Variants in ZNF229 observed in about 807,000 individuals in gnomAD.
ZNF229 encodes zinc finger protein 229.
A neutral mutation model predicts 11.8 loss-of-function variants in ZNF229; 10 were observed. That is an observed-to-expected ratio of 0.85 (90% CI 0.52 to 1.44). ZNF229 has a LOEUF of 1.44. ZNF229 is among the 40% of genes most tolerant of loss of function. The pLI is 0.00. For missense variants in ZNF229, 1,045 were observed against 1,015.1 expected, an observed-to-expected ratio of 1.03 and a Z score of -0.40; for synonymous variants, 368 against 374.8, an observed-to-expected ratio of 0.98 and a Z score of 0.21.
At position 44,428,724 on chromosome 19, in the gene ZNF229, C is replaced by T. The variant is rs200873280; in HGVS notation, c.2057G>A (p.Cys686Tyr). Reference sequence around the variant, plus strand: ...ACTGAATCCCTTGCCACACTGATCACACGTATAGGGCTTTTTTCCCGTGTG... The same window carrying T: ...ACTGAATCCCTTGCCACACTGATCATACGTATAGGGCTTTTTTCCCGTGTG... ...RVHTGKKPYT[C>Y]DQCGKGFSYG... Residue 686 changes from cysteine to tyrosine, a missense_variant, in exon 6 of 6, where the codon TGT becomes TAT. By Grantham distance (194) the Cys-to-Tyr change is radical. Coordinates refer to ENST00000614049, the MANE Select transcript of ZNF229 (RefSeq NM_014518.4). The T allele has an allele frequency of 2.4e-5, 38 of 1,613,774 alleles. No individual in the cohort carries two copies. The Admixed American group carries it at 5.5e-4, about 23-fold the overall frequency.
chr19:44,436,406 TA>T (rs1250148536), intron 4 of ZNF229, among the ~76,000 whole-genome samples: 1 of 151,364 alleles, frequency 6.6e-6, no homozygotes, highest in African/African-American at 2.4e-5. Flanking sequence ...AAAACCACCA[TA>T]AAAAAAGGGC....
rs765094262 is a variant in ZNF229 at position 44,442,949 on chromosome 19, A to C, written c.-102T>G. The C allele has an allele frequency of 2.9e-4, 407 of 1,391,400 alleles. No homozygotes were observed. The highest frequency in any genetic ancestry group is 4.1e-4 in the Non-Finnish European group (399 of 982,870). 86.2% of individuals were successfully genotyped at this position (1,391,400 alleles called of 1,614,324 possible). A position where few individuals can be genotyped will look rare whatever the true frequency, so the allele number is the denominator to read the frequency against. On this transcript the variant is annotated 5_prime_UTR_variant, in exon 3 of 6. Coordinates refer to ENST00000614049, the MANE Select transcript of ZNF229 (RefSeq NM_014518.4). ...AGATCCAGGCCTTTTTCATTCCGGAAACTCTCCAAGCTCTGACAAGTTCCT... is the reference window on the plus strand; with the variant it reads ...AGATCCAGGCCTTTTTCATTCCGGACACTCTCCAAGCTCTGACAAGTTCCT...
In ZNF229 at chr19:44,447,560, T is replaced by A. The variant is rs575143592; in HGVS notation, c.-225A>T. ...TGTGGGGTTATTTCTCCTTCTTTTA[T>A]ACAATTATCTCCGAGAAACGAACAA... On this transcript the variant is annotated 5_prime_UTR_variant, in exon 2 of 6. Transcript: ENST00000614049. 3.5e-4 allele frequency: 54 copies of A among 152,308 alleles called. No individual in the cohort carries two copies. The highest frequency in any genetic ancestry group is 8.4e-4 in the African/African-American group (35 of 41,566). The allele number at this position is 152,308 out of a possible 1,614,324, so 9.4% of individuals were successfully genotyped here.
In ZNF229 at chr19:44,430,411, C is replaced by G; in HGVS notation, c.370G>C (p.Val124Leu). The change falls in exon 6 of 6, where the codon GTA becomes CTA. Residue 124 changes from valine to leucine, a missense_variant. Transcript: ENST00000614049. Reference sequence around the variant, plus strand: ...TGGAAGTCTTTTCCTTGCAGATTTACTCTACAGTCTTGGCTCCCAGGTAAT... The same window carrying G: ...TGGAAGTCTTTTCCTTGCAGATTTAGTCTACAGTCTTGGCTCCCAGGTAAT... ...GELPGSQDCR[V>L]NLQGKDFQFS... is the part of the protein sequence containing the mutation. The G allele has an allele frequency of 6.2e-7, 1 of 1,614,164 alleles. No homozygotes were observed. Among genetic ancestry groups the G allele is most frequent in the Non-Finnish European group, 8.5e-7 (1 of 1,180,034 alleles).
intron 4 of ZNF229, among the ~76,000 whole-genome samples, chr19:44,435,637 G>A (rs1316929080): frequency 6.6e-6 from 1 of 152,086 alleles, no homozygotes; most frequent in African/African-American, 2.4e-5. Context: ...AGAAAAGCAG[G>A]TTTTCAGTAG....
chr19:44,426,890 A>C lies in ZNF229; in HGVS notation c.*1413T>G, dbSNP rs778007720. The C allele has an allele frequency of 3.3e-5, 5 of 152,206 alleles. No homozygotes were observed. The highest frequency in any genetic ancestry group is 7.4e-5 in the Non-Finnish European group (5 of 68,018). The allele number at this position is 152,206 out of a possible 1,614,324, so 9.4% of individuals were successfully genotyped here. A position where few individuals can be genotyped will look rare whatever the true frequency, so the allele number is the denominator to read the frequency against. ...TAAGACTTATTACGTCCATTTTTGC[A>C]CTGCTATAAAGAACTACCTGAGACT... is the stretch of plus-strand genomic sequence containing the variant. On this transcript the variant is annotated 3_prime_UTR_variant, in exon 6 of 6. Transcript: ENST00000614049.
At position 44,430,107 on chromosome 19, in the gene ZNF229, A is replaced by G. The variant is rs1262447398; in HGVS notation, c.674T>C (p.Ile225Thr). The G allele has an allele frequency of 1.9e-6, 3 of 1,614,064 alleles. No individual in the cohort carries two copies. The highest frequency in any genetic ancestry group is 8.5e-7 in the Non-Finnish European group (1 of 1,180,050). ...CNWDDDSFCW[I>T]SCHVDHRFPE... ...GAATCTGTGATCAACATGACAAGAT[A>G]TCCAGCAAAAGCTGTCATCATCCCA... Residue 225 changes from isoleucine to threonine, a missense_variant, in exon 6 of 6, where the codon ATA becomes ACA. By Grantham distance (89) the Ile-to-Thr change is moderately conservative. Transcript: ENST00000614049.
Position 44,442,614 on chromosome 19 carries a change from A to T in ZNF229, c.42T>A (p.His14Gln), listed in dbSNP as rs747249592. 1 of 1,614,088 alleles carries T rather than the reference A, an allele frequency of 6.2e-7. No homozygotes were observed. The highest frequency in any genetic ancestry group is 1.7e-5 in the Admixed American group (1 of 60,018). The change falls in exon 4 of 6, where the codon CAT becomes CAA. Residue 14 changes from histidine (H) to glutamine (Q), a missense_variant. By Grantham distance (24) the His-to-Gln change is conservative. Coordinates refer to ENST00000614049, the MANE Select transcript of ZNF229 (RefSeq NM_014518.4). ...LTSRHEKRAL[H>Q]SQASAISQDR... Reference sequence around the variant, plus strand: ...CTTGGGAAATGGCTGAGGCTTGAGAATGAAGAGCTGTAGGAGGAGAAAGAG... The same window carrying T: ...CTTGGGAAATGGCTGAGGCTTGAGATTGAAGAGCTGTAGGAGGAGAAAGAG...
In ZNF229 at chr19:44,429,142, A is replaced by G. The variant is rs1240987968; in HGVS notation, c.1639T>C (p.Cys547Arg). The change falls in exon 6 of 6, where the codon TGC becomes CGC. Residue 547 changes from cysteine (C) to arginine (R), a missense_variant. By Grantham distance (180) the Cys-to-Arg change is radical. Transcript: ENST00000614049. ...CGGCCAAAGCTCTTCCCGCACTCGC[A>G]TTTGTAGGGTTTCTCTCCTGTGTGC... ...RLHTGEKPYKCECGKSFGRSS... is the reference protein window; with the variant it reads ...RLHTGEKPYKRECGKSFGRSS... 8.1e-6 allele frequency: 13 copies of G among 1,613,094 alleles called. No homozygotes were observed. In the Middle Eastern group the frequency reaches 9.9e-4, roughly 123 times the overall value.
intron 2 of ZNF229, among the ~76,000 whole-genome samples, chr19:44,445,024 T>C (rs1280270532): frequency 6.6e-6 from 1 of 152,190 alleles, no homozygotes; most frequent in Non-Finnish European, 1.5e-5. Context: ...CTCTTATGTC[T>C]AAAAAGCAAC....
At chr19:44,441,542 T>A (rs1971909220) in intron 4 of ZNF229, among the ~76,000 whole-genome samples, 4 of 152,180 alleles carry the variant, frequency 2.6e-5, no homozygotes, top group African/African-American at 9.7e-5. Context: ...TATTTCCATA[T>A]CCCTATATTT....
Position 44,430,263 on chromosome 19 carries a change from A to T in ZNF229, c.518T>A (p.Phe173Tyr). 1.2e-6 allele frequency: 2 copies of T among 1,614,110 alleles called. No homozygotes were observed. Among genetic ancestry groups the T allele is most frequent in the Non-Finnish European group, 1.7e-6 (2 of 1,180,032 alleles). The change falls in exon 6 of 6, where the codon TTT becomes TAT. Residue 173 changes from phenylalanine to tyrosine, a missense_variant. Physicochemically the swap from Phe to Tyr is conservative, Grantham distance 22. Transcript: ENST00000614049. ...TGGTCTTATAGCTCTCCAGGCTGGA[A>T]ACTGTTGATTTTCTAGACCGATAAG... ...DGLIGLENQQ[F>Y]PAWRAIRPIP...
rs201333368 is a variant in ZNF229 at position 44,428,669 on chromosome 19, C to A, written c.2112G>T (p.Arg704Ser). ...SYGSNLRTHQRLHTGEKPYTC... is the reference protein window; with the variant it reads ...SYGSNLRTHQSLHTGEKPYTC... ...TGTAGGGTTTCTCTCCTGTGTGCAACCTCTGGTGGGTGCGAAGATTAGAGC... is the reference window on the plus strand; with the variant it reads ...TGTAGGGTTTCTCTCCTGTGTGCAAACTCTGGTGGGTGCGAAGATTAGAGC... Residue 704 changes from arginine (R) to serine (S), a missense_variant, in exon 6 of 6, where the codon AGG (arginine) becomes AGT (serine). By Grantham distance (110) the Arg-to-Ser change is moderately radical. Coordinates refer to ENST00000614049, the MANE Select transcript of ZNF229 (RefSeq NM_014518.4). 5 of 1,613,334 alleles carry A rather than the reference C, an allele frequency of 3.1e-6. No homozygotes were observed. In the East Asian group the frequency reaches 8.9e-5, roughly 29 times the overall value.
intron 2 of ZNF229, among the ~76,000 whole-genome samples, chr19:44,446,864 G>A (rs1972011997): frequency 6.9e-6 from 1 of 144,692 alleles, no homozygotes; most frequent in Non-Finnish European, 1.5e-5. Context: ...GTGCTATCAG[G>A]TGAACATATG....
At chr19:44,437,265 A>C (rs1024891609) in intron 4 of ZNF229, among the ~76,000 whole-genome samples, 4 of 152,198 alleles carry the variant, frequency 2.6e-5, no homozygotes, top group Admixed American at 2.6e-4. Flanking sequence ...AATTTTCAAA[A>C]GGGAACTAAT....
chr19:44,430,366 G>A lies in ZNF229; in HGVS notation c.415C>T (p.Pro139Ser). ...GATGCTCCTTCCCACCCTTGATGGG[G>A]AGCAGCATCTTCTGAGAACTGGAAG... Reference protein sequence around the residue: ...KDFQFSEDAAPHQGWEGASTP... With the variant: ...KDFQFSEDAASHQGWEGASTP... Residue 139 changes from proline (P) to serine (S), a missense_variant, in exon 6 of 6, where the codon CCC becomes TCC. Transcript: ENST00000614049. 6.2e-7 allele frequency: 1 copy of A among 1,614,150 alleles called. No individual in the cohort carries two copies.
Position 44,430,202 on chromosome 19 carries a change from C to G in ZNF229, c.579G>C (p.Val193=). The G allele has an allele frequency of 6.2e-7, 1 of 1,614,080 alleles. No individual in the cohort carries two copies. The highest frequency in any genetic ancestry group is 8.5e-7 in the Non-Finnish European group (1 of 1,180,034). The change falls in exon 6 of 6, where the codon GTG becomes GTC. Residue 193 remains valine (V), a synonymous_variant. Transcript: ENST00000614049. ...TTTCTTGAACATCCCCTAACTGGTT[C>G]ACAAACGCTTTTGCCCAAGATCCTT... ...PIQGSWAKAF[V]NQLGDVQERC...
intron 4 of ZNF229, among the ~76,000 whole-genome samples, chr19:44,435,657 T>C (rs1568405349): frequency 6.6e-6 from 1 of 152,218 alleles, no homozygotes; most frequent in Admixed American, 6.5e-5. Flanking sequence ...GAAACCATAT[T>C]GTTTGCAGAC....
chr19:44,439,851 G>A (rs1049305071), intron 4 of ZNF229, among the ~76,000 whole-genome samples: 3 of 152,166 alleles, frequency 2.0e-5, no homozygotes, highest in African/African-American at 4.8e-5. Context: ...ACAGTTGGGG[G>A]AACCTAATTT....
Sources: gnomAD v4.1 joint callset for allele counts (sites outside exome capture counted in the v4.1 genomes callset) on GRCh38, gnomAD v4.1.1 for gene constraint, MANE v1.5 for transcripts, NCBI Gene and HGNC (gene_info 2026-07-23, HGNC 2026-07-21) for gene names.